GYG2: variants seen among roughly 807,000 people sequenced by gnomAD.
The protein encoded by GYG2 is glycogenin-2.
GYG2 carries 29 observed loss-of-function variants against 29.4 expected under a neutral mutation model. The ratio of observed to expected loss-of-function variants is 0.99; its 90% CI spans 0.74 to 1.35. The LOEUF is 1.35. Among genes scored for constraint, GYG2 ranks in the 40% most tolerant of loss-of-function variants. GYG2 has a pLI of 0.00. For missense variants in GYG2, 370 were observed against 385.7 expected (o/e 0.96, Z 0.34); for synonymous variants, 167 against 172.3 (o/e 0.97, Z 0.24).
chrX:2,880,360 TTGG>T (rs1158121018), intron 10 of GYG2, among the ~76,000 whole-genome samples: 1 of 109,306 alleles, frequency 9.1e-6, no homozygotes, highest in African/African-American at 3.3e-5. Flanking sequence ...TTAACGTAGT[TTGG>T]TTATTCACTG....
chrX:2,871,747 C>T (rs2088477673), intron 8 of GYG2, among the ~76,000 whole-genome samples: 1 of 110,060 alleles, frequency 9.1e-6, no homozygotes, highest in African/African-American at 3.3e-5. Context: ...ATTCTATATA[C>T]ATTATTTGTG....
chrX:2,858,520 G>T (rs924964029), intron 6 of GYG2, among the ~76,000 whole-genome samples: 4 of 111,009 alleles, frequency 3.6e-5, no homozygotes, highest in Non-Finnish European at 5.7e-5. Context: ...GTTCCTAAAA[G>T]GGTCAAGGGT....
intron 8 of GYG2, among the ~76,000 whole-genome samples, chrX:2,863,295 C>T (rs895530875): frequency 1.7e-4 from 19 of 110,450 alleles, no homozygotes; most frequent in Non-Finnish European, 3.4e-4. Flanking sequence ...AGGATGGTCT[C>T]GAACTCCTGA....
intron 8 of GYG2, among the ~76,000 whole-genome samples, chrX:2,867,751 A>G (rs958216237): frequency 3.6e-5 from 4 of 112,233 alleles, no homozygotes; most frequent in South Asian, 7.5e-4. Context: ...TCGATTTACA[A>G]TTGGTTTACA....
intron 3 of GYG2, among the ~76,000 whole-genome samples, chrX:2,848,498 AC>A (rs11323468): frequency 0.22 from 23,219 of 107,150 alleles, 2,590 homozygotes; most frequent in African/African-American, 0.4. Context: ...AGATCGCGCC[AC>A]CTGCACTCCA....
chrX:2,848,898 A>G (rs1215168454), intron 3 of GYG2, among the ~76,000 whole-genome samples: 2 of 110,490 alleles, frequency 1.8e-5, no homozygotes, highest in Non-Finnish European at 1.9e-5. Flanking sequence ...ACCTTTTATT[A>G]TATGTTTCGT....
At chrX:2,842,853 C>T in intron 2 of GYG2, 1 of 234,691 alleles carries the variant, frequency 4.3e-6, no homozygotes, top group African/African-American at 3.0e-5. Context: ...CTCACTCTGT[C>T]ATCCAGGCTG....
Position 2,881,356 on chromosome X carries a change from CACACAAAAA to C in GYG2, c.*146_*154del, listed in dbSNP as rs1029331425. ...TTATGCTTAATCCATTTGAGTGCCT[CACACAAAAA>C]ACGTAGAGTATAGAAATCCACCTTA... On this transcript the variant is annotated 3_prime_UTR_variant, in exon 11 of 11. Coordinates refer to ENST00000398806, the MANE Select transcript of GYG2 (RefSeq NM_001079855.2). 9.9e-6 allele frequency: 5 copies of C among 503,474 alleles called. No homozygotes were observed. In the African/African-American group the frequency reaches 1.2e-4, roughly 12 times the overall value. The allele number at this position is 503,474 out of a possible 1,213,427, so 41.5% of individuals were successfully genotyped here. A position where few individuals can be genotyped will look rare whatever the true frequency, so the allele number is the denominator to read the frequency against.
chrX:2,872,963 C>T (rs1309249766), intron 8 of GYG2, among the ~76,000 whole-genome samples: 1 of 112,096 alleles, frequency 8.9e-6, no homozygotes, highest in East Asian at 2.8e-4. Context: ...GCAGTTATTG[C>T]ATTCGTCATT....
At chrX:2,848,728 G>A (rs936728524) in intron 3 of GYG2, among the ~76,000 whole-genome samples, 1 of 111,206 alleles carries the variant, frequency 9.0e-6, no homozygotes, top group African/African-American at 3.3e-5. Flanking sequence ...ATGCTTGAGG[G>A]GATGGATACT....
At chrX:2,838,792 A>G (rs1025463155) in intron 2 of GYG2, among the ~76,000 whole-genome samples, 1 of 110,970 alleles carries the variant, frequency 9.0e-6, no homozygotes, top group African/African-American at 3.3e-5. Flanking sequence ...ACTTCTAATA[A>G]CTATTTCTTA....
intron 2 of GYG2, among the ~76,000 whole-genome samples, chrX:2,831,018 C>T (rs886429646): frequency 1.8e-5 from 2 of 112,395 alleles, no homozygotes; most frequent in Non-Finnish European, 1.9e-5. Flanking sequence ...CGCCAAGGAC[C>T]GGTGAGCCCC....
chrX:2,856,347 A>G (rs915338957), intron 5 of GYG2, 151 bp from the exon 6 acceptor site: 3 of 468,929 alleles, frequency 6.4e-6, no homozygotes, highest in Non-Finnish European at 1.1e-5. Context: ...TCTGAGAACC[A>G]AGAGAATGTG....
intron 2 of GYG2, among the ~76,000 whole-genome samples, chrX:2,836,904 C>T (rs1249666620): frequency 1.8e-5 from 2 of 111,392 alleles, no homozygotes; most frequent in Non-Finnish European, 1.9e-5. Flanking sequence ...GAAGTCGAGG[C>T]TGCAGTGAGC....
intron 3 of GYG2, among the ~76,000 whole-genome samples, chrX:2,848,403 G>A (rs1481152077): frequency 2.7e-5 from 3 of 110,420 alleles, no homozygotes; most frequent in Non-Finnish European, 5.7e-5. Flanking sequence ...TTAACCAGGC[G>A]TGGTGGCGCC....
In GYG2 at chrX:2,875,932, G is replaced by GACCT. The variant is rs759374780; in HGVS notation, c.1143+21_1143+24dup. On this transcript the variant is annotated intron_variant, in intron 9 of 10. Coordinates refer to ENST00000398806, the MANE Select transcript of GYG2 (RefSeq NM_001079855.2). ...CCATCTTGGTATTCCTCATCTATATGACCTACACATGGCCAGCTCTCTTAT... is the reference window on the plus strand; with the variant it reads ...CCATCTTGGTATTCCTCATCTATATGACCTACCTACACATGGCCAGCTCTCTTAT... 4 of 897,945 alleles carry GACCT rather than the reference G, an allele frequency of 4.5e-6. No homozygotes were observed. Among genetic ancestry groups the GACCT allele is most frequent in the Admixed American group, 2.3e-5 (1 of 43,849 alleles). 74.0% of individuals were successfully genotyped at this position (897,945 alleles called of 1,213,427 possible).
At chrX:2,863,834 C>T (rs1446909613) in intron 8 of GYG2, among the ~76,000 whole-genome samples, 1 of 111,811 alleles carries the variant, frequency 8.9e-6, no homozygotes, top group Non-Finnish European at 1.9e-5. Flanking sequence ...CTTGTTCCTG[C>T]TGGAATGTGA....
chrX:2,881,029 C>T (rs1319132759), intron 10 of GYG2, 23 bp from the exon 11 acceptor site: 1 of 1,204,032 alleles, frequency 8.3e-7, no homozygotes. Flanking sequence ...CAAAAACCAT[C>T]TCCCACTGAC....
At chrX:2,859,380 G>C (rs1189650159) in intron 6 of GYG2, among the ~76,000 whole-genome samples, 3 of 110,886 alleles carry the variant, frequency 2.7e-5, no homozygotes, top group African/African-American at 9.8e-5. Context: ...TATGCTAGTA[G>C]TAGTATATTG....
Sources: gnomAD v4.1 joint callset for allele counts (sites outside exome capture counted in the v4.1 genomes callset) on GRCh38, gnomAD v4.1.1 for gene constraint, MANE v1.5 for transcripts, NCBI Gene and HGNC (gene_info 2026-07-23, HGNC 2026-07-21) for gene names.